The following TNFRSF13B variants were observed in gnomAD, a reference collection of about 807,000 sequenced individuals.
The protein encoded by TNFRSF13B is TNF receptor superfamily member 13B.
A neutral mutation model predicts 24.0 loss-of-function variants in TNFRSF13B; 34 were observed. That is an observed-to-expected ratio of 1.41 (90% CI 1.08 to 1.88). TNFRSF13B has a LOEUF of 1.88. Ranked by LOEUF, TNFRSF13B falls within the 40% of genes most tolerant of loss-of-function variation. The pLI is 0.00. For synonymous variants in TNFRSF13B, 173 were observed against 150.3 expected (o/e 1.15, Z -1.10); for missense variants, 415 against 380.8 (o/e 1.09, Z -0.75).
intron 1 of TNFRSF13B, among the ~76,000 whole-genome samples, chr17:16,960,167 CAATT>C (rs1202779328): frequency 6.6e-6 from 1 of 152,000 alleles, no homozygotes; most frequent in East Asian, 1.9e-4. Flanking sequence ...GTGGTCTTCT[CAATT>C]GATGCAGAAA....
At chr17:16,943,863 C>A (rs1053672195) in intron 3 of TNFRSF13B, among the ~76,000 whole-genome samples, 2 of 152,236 alleles carry the variant, frequency 1.3e-5, no homozygotes, top group African/African-American at 4.8e-5. Flanking sequence ...ACCTGTTCCC[C>A]TCAGGGAGAC....
chr17:16,958,019 G>A (rs562560184), intron 1 of TNFRSF13B, among the ~76,000 whole-genome samples: 3 of 152,084 alleles, frequency 2.0e-5, no homozygotes, highest in Admixed American at 1.3e-4. Context: ...GATTTAATAG[G>A]CAATGAGTTA....
intron 3 of TNFRSF13B, among the ~76,000 whole-genome samples, chr17:16,944,948 C>T (rs149143134): frequency 3.2e-4 from 49 of 152,298 alleles, no homozygotes; most frequent in Non-Finnish European, 6.2e-4. Flanking sequence ...AGGTCCACCT[C>T]TGGGTCCCTC....
chr17:16,969,754 G>T (rs1296238488), intron 1 of TNFRSF13B, among the ~76,000 whole-genome samples: 1 of 152,146 alleles, frequency 6.6e-6, no homozygotes, highest in Non-Finnish European at 1.5e-5. Context: ...AGGAAGAAAA[G>T]ACTTTCTATT....
chr17:16,954,688 A>G (rs1361740958), intron 1 of TNFRSF13B, among the ~76,000 whole-genome samples: 2 of 152,206 alleles, frequency 1.3e-5, no homozygotes, highest in African/African-American at 4.8e-5. Context: ...GGCACCACGT[A>G]TCTCTGACGG....
intron 1 of TNFRSF13B, among the ~76,000 whole-genome samples, chr17:16,971,342 C>G (rs569661039): frequency 7.3e-6 from 1 of 137,260 alleles, no homozygotes; most frequent in East Asian, 2.1e-4. Flanking sequence ...GAGCAAGACT[C>G]TGTCTCAAAA....
chr17:16,952,367 CTG>C (rs2087594556), intron 2 of TNFRSF13B, 77 bp downstream of exon 2: 1 of 1,602,682 alleles, frequency 6.2e-7, no homozygotes, highest in Non-Finnish European at 8.5e-7. Context: ...AGCCACCTGA[CTG>C]TGGGGCCAGA....
intron 1 of TNFRSF13B, among the ~76,000 whole-genome samples, chr17:16,959,026 C>T (rs1357085106): frequency 1.3e-5 from 2 of 152,036 alleles, no homozygotes; most frequent in Non-Finnish European, 2.9e-5. Flanking sequence ...TTTTCAAGTG[C>T]ACATGGAACA....
At chr17:16,954,622 A>G (rs1450391099) in intron 1 of TNFRSF13B, among the ~76,000 whole-genome samples, 1 of 152,240 alleles carries the variant, frequency 6.6e-6, no homozygotes, top group Non-Finnish European at 1.5e-5. Flanking sequence ...ATTGATGCCT[A>G]CATGGGAAGG....
intron 1 of TNFRSF13B, among the ~76,000 whole-genome samples, chr17:16,954,335 G>A (rs150575707): frequency 1.3e-5 from 2 of 152,296 alleles, no homozygotes; most frequent in African/African-American, 4.8e-5. Context: ...GGTGAGCTAT[G>A]ACCACATCAC....
At chr17:16,941,426 T>C in intron 3 of TNFRSF13B, 1 of 987,620 alleles carries the variant, frequency 1.0e-6, no homozygotes, top group Middle Eastern at 2.8e-4. Flanking sequence ...TTGGAAGTTC[T>C]CCTTATCCCA....
intron 3 of TNFRSF13B, among the ~76,000 whole-genome samples, chr17:16,945,902 A>C (rs1292808940): frequency 6.6e-6 from 1 of 152,138 alleles, no homozygotes; most frequent in Non-Finnish European, 1.5e-5. Flanking sequence ...GGTGGTGATG[A>C]AGTGTAAGTT....
In TNFRSF13B at chr17:16,940,372, G is replaced by A. The variant is rs1274790058; in HGVS notation, c.585C>T (p.Cys195=). The change falls in exon 4 of 5, where the codon TGC becomes TGT. Residue 195 remains cysteine (C), a synonymous_variant. Coordinates refer to ENST00000261652, the MANE Select transcript of TNFRSF13B (RefSeq NM_012452.3). ...FLKKRGDPCS[C]QPRSRPRQSP... ...TTTGACGGGGCCTTGAGCGGGGCTG[G>A]CAGGAGCAGGGATCCCCCCTCTTCT... 6.2e-7 allele frequency: 1 copy of A among 1,614,006 alleles called. No homozygotes were observed. The highest frequency in any genetic ancestry group is 2.2e-5 in the East Asian group (1 of 44,878).
intron 1 of TNFRSF13B, 148 bp downstream of exon 1, chr17:16,971,867 G>A (rs1358237960): frequency 2.6e-6 from 2 of 783,714 alleles, no homozygotes; most frequent in African/African-American, 1.7e-5. Flanking sequence ...CTCTCCATGT[G>A]CAGGAGCTTG....
At chr17:16,954,855 G>A (rs1162301371) in intron 1 of TNFRSF13B, among the ~76,000 whole-genome samples, 1 of 152,234 alleles carries the variant, frequency 6.6e-6, no homozygotes, top group African/African-American at 2.4e-5. Flanking sequence ...GCTGAGGGTA[G>A]CAACGTGGTC....
intron 1 of TNFRSF13B, among the ~76,000 whole-genome samples, chr17:16,969,036 A>G: frequency 6.6e-6 from 1 of 152,276 alleles, no homozygotes; most frequent in East Asian, 1.9e-4. Flanking sequence ...AGAATGAGAA[A>G]GACAGTCAAT....
Position 16,940,323 on chromosome 17 carries a change from C to CA in TNFRSF13B, c.631+2dup. ...GGCGAGGACCCCAGTTTCATGCACT[C>CA]ACCCTGGGAAGACTTGGCCGGACTT... is the stretch of plus-strand genomic sequence containing the variant. On this transcript the variant is annotated splice_region_variant and intron_variant, in intron 4 of 4. Coordinates refer to ENST00000261652, the MANE Select transcript of TNFRSF13B (RefSeq NM_012452.3). 1 of 1,613,088 alleles carries CA rather than the reference C, an allele frequency of 6.2e-7. No homozygotes were observed. Among genetic ancestry groups the CA allele is most frequent in the Non-Finnish European group, 8.5e-7 (1 of 1,179,958 alleles).
Position 16,939,474 on chromosome 17 carries a change from C to G in TNFRSF13B, c.*73G>C. On this transcript the variant is annotated 3_prime_UTR_variant, in exon 5 of 5. Coordinates refer to ENST00000261652, the MANE Select transcript of TNFRSF13B (RefSeq NM_012452.3). ...CTCTCTCTCCTCATATCTCTCTCCCCTCTCCCCACCTCTCTTTCTCTCTCC... is the reference window on the plus strand; with the variant it reads ...CTCTCTCTCCTCATATCTCTCTCCCGTCTCCCCACCTCTCTTTCTCTCTCC... 1.3e-6 allele frequency: 2 copies of G among 1,509,436 alleles called. No individual in the cohort carries two copies. Among genetic ancestry groups the G allele is most frequent in the Non-Finnish European group, 1.8e-6 (2 of 1,116,500 alleles). 93.5% of individuals were successfully genotyped at this position (1,509,436 alleles called of 1,614,324 possible).
intron 1 of TNFRSF13B, among the ~76,000 whole-genome samples, chr17:16,956,849 G>T (rs778026053): frequency 3.2e-4 from 48 of 152,164 alleles, no homozygotes; most frequent in Admixed American, 3.1e-3. Context: ...GATTCCCAGG[G>T]GTTGGAGGAT....
Sources: allele counts gnomAD v4.1 joint callset (sites outside exome capture counted in the v4.1 genomes callset), GRCh38; gene constraint gnomAD v4.1.1; transcripts MANE v1.5; gene names NCBI Gene and HGNC (gene_info 2026-07-23, HGNC 2026-07-21).